Variants in PAPPA2 observed in about 807,000 individuals in gnomAD.
The protein encoded by PAPPA2 is pappalysin 2.
In PAPPA2, 86 loss-of-function variants were observed where a neutral mutation model predicts 176.4. The observed-to-expected ratio is 0.49, with a 90% confidence interval of 0.41 to 0.58. The LOEUF is 0.58. Among genes scored for constraint, PAPPA2 ranks in the 20% least tolerant of loss-of-function variants. The pLI is 0.00. For synonymous variants in PAPPA2, 809 were observed against 852.2 expected (o/e 0.95, Z 0.88); for missense variants, 2,073 against 2,256.9 (o/e 0.92, Z 1.65).
chr1:176,551,009 G>A (rs1339086871), intron 1 of PAPPA2, among the ~76,000 whole-genome samples: 1 of 152,188 alleles, frequency 6.6e-6, no homozygotes, highest in Non-Finnish European at 1.5e-5. Flanking sequence ...AGGCAAAAAA[G>A]CTGGGCAGAG....
chr1:176,671,264 T>G, intron 4 of PAPPA2, 149 bp downstream of exon 4: 1 of 1,057,146 alleles, frequency 9.5e-7, no homozygotes, highest in Non-Finnish European at 1.3e-6. Flanking sequence ...TGGCACTTAG[T>G]AGAGCCTGTC....
intron 21 of PAPPA2, among the ~76,000 whole-genome samples, chr1:176,815,708 C>T (rs1308122938): frequency 2.7e-5 from 3 of 109,202 alleles, no homozygotes; most frequent in South Asian, 2.9e-4. Flanking sequence ...AGACATGAGA[C>T]GTCAATCAAC....
At chr1:176,619,177 C>A (rs965100339) in intron 3 of PAPPA2, among the ~76,000 whole-genome samples, 1 of 152,164 alleles carries the variant, frequency 6.6e-6, no homozygotes, top group African/African-American at 2.4e-5. Context: ...ATTACAAATC[C>A]TTTCTCAAAT....
At chr1:176,755,992 G>A (rs375859411) in intron 14 of PAPPA2, among the ~76,000 whole-genome samples, 18 of 152,114 alleles carry the variant, frequency 1.2e-4, no homozygotes, top group Middle Eastern at 3.4e-3. Context: ...ACAGAGTTTC[G>A]CTCTTGTTGC....
Position 176,595,117 on chromosome 1 carries a change from G to A in PAPPA2, c.1513G>A (p.Asp505Asn), listed in dbSNP as rs1240040746. 6.2e-7 allele frequency: 1 copy of A among 1,614,030 alleles called. No homozygotes were observed. The highest frequency in any genetic ancestry group is 8.5e-7 in the Non-Finnish European group (1 of 1,180,024). ...QPPLCGQTVC[D>N]NVELISQYNG... ...CCCACTCTGTGGGCAAACAGTCTGT[G>A]ACAATGTGGAATTGATCTCCCAGTA... The change falls in exon 3 of 23, where the codon GAC (aspartate) becomes AAC (asparagine). Residue 505 changes from aspartate to asparagine, a missense_variant. Around this residue, in one of 4 missense-constraint regions of PAPPA2, gnomAD observed 1,196 missense variants for 1,330.4 expected, o/e 0.90. Transcript: ENST00000367662.
At chr1:176,766,725 C>G (rs770403655) in intron 15 of PAPPA2, among the ~76,000 whole-genome samples, 2 of 152,080 alleles carry the variant, frequency 1.3e-5, no homozygotes, top group African/African-American at 2.4e-5. Context: ...GTCTTCAATT[C>G]CCCACAGAGA....
intron 8 of PAPPA2, among the ~76,000 whole-genome samples, chr1:176,701,815 C>T (rs917722249): frequency 2.2e-4 from 34 of 152,250 alleles, no homozygotes; most frequent in African/African-American, 6.7e-4. Context: ...AGGCACTGGG[C>T]AAAATTAAGA....
intron 2 of PAPPA2, among the ~76,000 whole-genome samples, chr1:176,588,775 CCT>C (rs1461821691): frequency 6.6e-6 from 1 of 152,122 alleles, no homozygotes; most frequent in Non-Finnish European, 1.5e-5. Context: ...GGGCTATGAG[CCT>C]GTTACTCTAG....
chr1:176,791,543 G>A, intron 19 of PAPPA2, 61 bp downstream of exon 19: 2 of 1,540,044 alleles, frequency 1.3e-6, no homozygotes, highest in South Asian at 1.2e-5. Context: ...AAGCACAGCT[G>A]AATTTTTTTT....
chr1:176,712,536 G>A (rs1395694051), intron 12 of PAPPA2, among the ~76,000 whole-genome samples: 1 of 151,984 alleles, frequency 6.6e-6, no homozygotes, highest in South Asian at 2.1e-4. Context: ...TTTTCATTGT[G>A]GTATAAGCAT....
intron 12 of PAPPA2, among the ~76,000 whole-genome samples, chr1:176,716,427 G>A (rs35323872): frequency 0.082 from 12,387 of 150,524 alleles, 589 homozygotes; most frequent in Middle Eastern, 0.12. Context: ...TGTATTTTTA[G>A]TAGAGATGGG....
intron 21 of PAPPA2, among the ~76,000 whole-genome samples, chr1:176,808,015 A>G (rs1665981817): frequency 6.6e-6 from 1 of 152,072 alleles, no homozygotes; most frequent in African/African-American, 2.4e-5. Context: ...AAAGGAGTTG[A>G]CCCCATCTCG....
At chr1:176,567,970 G>A (rs1047239201) in intron 2 of PAPPA2, among the ~76,000 whole-genome samples, 2 of 152,194 alleles carry the variant, frequency 1.3e-5, no homozygotes, top group African/African-American at 2.4e-5. Flanking sequence ...GATGACTTTA[G>A]GGAGAGCAGT....
chr1:176,735,734 A>G (rs1188530711), intron 12 of PAPPA2, among the ~76,000 whole-genome samples: 1 of 126,402 alleles, frequency 7.9e-6, no homozygotes, highest in Non-Finnish European at 1.7e-5. Context: ...CTATCTATCT[A>G]TCTATCATCT....
At chr1:176,780,837 C>T (rs908677133) in intron 17 of PAPPA2, among the ~76,000 whole-genome samples, 6 of 152,104 alleles carry the variant, frequency 3.9e-5, no homozygotes, top group Non-Finnish European at 7.4e-5. Flanking sequence ...GTTTCAAGTC[C>T]AGTTCACCCC....
At chr1:176,585,099 A>G (rs943257219) in intron 2 of PAPPA2, among the ~76,000 whole-genome samples, 6 of 152,196 alleles carry the variant, frequency 3.9e-5, no homozygotes, top group Admixed American at 3.9e-4. Context: ...ATATGTTTTC[A>G]TGAACACATG....
chr1:176,781,790 T>G (rs1039105053), intron 17 of PAPPA2, among the ~76,000 whole-genome samples: 1 of 152,170 alleles, frequency 6.6e-6, no homozygotes, highest in Non-Finnish European at 1.5e-5. Flanking sequence ...ATCCTGAGAT[T>G]TATTTCTAAC....
At chr1:176,820,758 T>C (rs1666630951) in intron 21 of PAPPA2, among the ~76,000 whole-genome samples, 3 of 152,056 alleles carry the variant, frequency 2.0e-5, no homozygotes. Flanking sequence ...TTTTTGTTGT[T>C]GTTATTGTTA....
intron 14 of PAPPA2, among the ~76,000 whole-genome samples, chr1:176,741,422 T>C (rs1460551542): frequency 1.3e-5 from 2 of 152,136 alleles, no homozygotes; most frequent in African/African-American, 2.4e-5. Context: ...CTGAGTGTCT[T>C]TGTGACATGG....
Sources: gnomAD v4.1 joint callset for allele counts (sites outside exome capture counted in the v4.1 genomes callset) on GRCh38, gnomAD v4.1.1 for gene constraint, gnomAD v4.1.1 regional missense constraint, MANE v1.5 for transcripts, NCBI Gene and HGNC (gene_info 2026-07-23, HGNC 2026-07-21) for gene names.